LRRC37A2: variants seen among roughly 807,000 people sequenced by gnomAD.
LRRC37A2 encodes leucine-rich repeat-containing protein 37A2.
In LRRC37A2, 9 loss-of-function variants were observed where a neutral mutation model predicts 68.8. That is an observed-to-expected ratio of 0.13 (90% CI 0.08 to 0.23). The LOEUF (loss-of-function observed/expected upper bound fraction) is 0.23, where lower values mean the gene tolerates loss of function less well. Ranked by LOEUF, LRRC37A2 falls within the 10% of genes least tolerant of loss-of-function variation. The probability of loss-of-function intolerance (pLI) is 1.00; values close to 1 mark genes in which losing one functional copy is unlikely to be tolerated. For missense variants in LRRC37A2, 168 were observed against 950.4 expected, an observed-to-expected ratio of 0.18 and a Z score of 10.82; for synonymous variants, 63 against 367.6, an observed-to-expected ratio of 0.17 and a Z score of 9.48.
the LRRC37A2 span, among the ~76,000 whole-genome samples, chr17:46,839,538 G>GT: frequency 5.5e-3 from 841 of 152,084 alleles, 12 homozygotes; most frequent in African/African-American, 0.019. Context: ...ATATATATAT[G>GT]TTTTTTTATT....
the LRRC37A2 span, among the ~76,000 whole-genome samples, chr17:46,749,604 C>CT: frequency 6.6e-6 from 1 of 152,098 alleles, no homozygotes; most frequent in Non-Finnish European, 1.5e-5. Flanking sequence ...TGGTTGGTAC[C>CT]TTTTTTCAGG....
At chr17:47,020,609 C>A in the LRRC37A2 span, among the ~76,000 whole-genome samples, 1 of 149,894 alleles carries the variant, frequency 6.7e-6, no homozygotes, top group East Asian at 2.0e-4. Context: ...GAAACCCCAT[C>A]TCTACTAAAA....
At chr17:46,752,139 A>G in the LRRC37A2 span, among the ~76,000 whole-genome samples, 1 of 152,204 alleles carries the variant, frequency 6.6e-6, no homozygotes, top group Non-Finnish European at 1.5e-5. Context: ...GCTCCTAGAA[A>G]TTTCATGCAA....
the LRRC37A2 span, among the ~76,000 whole-genome samples, chr17:46,707,955 T>C: frequency 6.7e-6 from 1 of 149,704 alleles, no homozygotes; most frequent in Non-Finnish European, 1.5e-5. Context: ...ATCATTTGGA[T>C]CCGGGAGGTG....
chr17:47,042,167 T>C, the LRRC37A2 span: 29 of 145,130 alleles, frequency 2.0e-4, no homozygotes, highest in African/African-American at 6.4e-4. Context: ...TATTTAATCA[T>C]GGGAAATGAT....
At chr17:46,729,066 C>T in the LRRC37A2 span, 24 of 576,252 alleles carry the variant, frequency 4.2e-5, no homozygotes, top group Non-Finnish European at 6.5e-5. Flanking sequence ...TTTGAAAGGT[C>T]GTCCAGTCTT....
chr17:46,820,814 C>A, the LRRC37A2 span, among the ~76,000 whole-genome samples: 6 of 152,260 alleles, frequency 3.9e-5, no homozygotes, highest in South Asian at 1.2e-3. Context: ...GGAGTCCTGC[C>A]CAAGGGCTCG....
At chr17:46,935,381 A>G in the LRRC37A2 span, 1 of 1,441,584 alleles carries the variant, frequency 6.9e-7, no homozygotes, top group Non-Finnish European at 9.1e-7. Context: ...GAAACAAACC[A>G]TGAAGTGGCC....
chr17:46,732,169 T>C, the LRRC37A2 span, among the ~76,000 whole-genome samples: 1 of 152,216 alleles, frequency 6.6e-6, no homozygotes, highest in African/African-American at 2.4e-5. Context: ...AAGGAGGAAC[T>C]ATACTTATAT....
chr17:46,896,889 C>A, the LRRC37A2 span, among the ~76,000 whole-genome samples: 1 of 152,092 alleles, frequency 6.6e-6, no homozygotes, highest in Non-Finnish European at 1.5e-5. Context: ...GGGCTGGACA[C>A]CCCCCACCAG....
At chr17:46,933,892 G>T in the LRRC37A2 span, among the ~76,000 whole-genome samples, 2 of 151,534 alleles carry the variant, frequency 1.3e-5, no homozygotes, top group Non-Finnish European at 2.9e-5. Context: ...CTTAAGCCTG[G>T]TAGGTCAAGG....
chr17:46,851,817 C>T, the LRRC37A2 span: 2 of 583,778 alleles, frequency 3.4e-6, no homozygotes, highest in Non-Finnish European at 5.0e-6. The surrounding 1 kb of genome is among the most constrained non-coding windows in gnomAD (Gnocchi z 4.3). Flanking sequence ...CTTGGCCCCG[C>T]CGAGGTCTCG....
At chr17:46,999,019 T>G in the LRRC37A2 span, among the ~76,000 whole-genome samples, 24 of 152,354 alleles carry the variant, frequency 1.6e-4, no homozygotes, top group African/African-American at 5.8e-4. Flanking sequence ...CCATCATGGA[T>G]GCTTAACATT....
At chr17:46,631,034 T>A in the LRRC37A2 span, among the ~76,000 whole-genome samples, 1 of 122,484 alleles carries the variant, frequency 8.2e-6, no homozygotes, top group African/African-American at 3.7e-5. Flanking sequence ...CTCCCTGTCT[T>A]CCTCTCTGGG....
the LRRC37A2 span, among the ~76,000 whole-genome samples, chr17:46,950,503 A>G: frequency 6.6e-6 from 1 of 152,224 alleles, no homozygotes; most frequent in African/African-American, 2.4e-5. Flanking sequence ...GAAAGGCCCA[A>G]TTAAAATAGC....
the LRRC37A2 span, among the ~76,000 whole-genome samples, chr17:47,014,146 C>T: frequency 2.6e-5 from 4 of 151,810 alleles, no homozygotes; most frequent in Admixed American, 1.3e-4. Context: ...AATCCCAGCA[C>T]TTTGGGAGGC....
chr17:47,029,945 C>A, the LRRC37A2 span, among the ~76,000 whole-genome samples: 17,378 of 151,564 alleles, frequency 0.11, 1,103 homozygotes, highest in South Asian at 0.22. Context: ...CAACTGTAAT[C>A]CTAAGTACTC....
At chr17:46,942,739 GC>G in the LRRC37A2 span, among the ~76,000 whole-genome samples, 1 of 152,226 alleles carries the variant, frequency 6.6e-6, no homozygotes, top group Non-Finnish European at 1.5e-5. Flanking sequence ...TGGCTAGTGG[GC>G]CCTGAACACA....
At chr17:46,487,549 GTC>G in the LRRC37A2 span, among the ~76,000 whole-genome samples, 23 of 60,950 alleles carry the variant, frequency 3.8e-4, no homozygotes, top group Admixed American at 3.4e-4. Context: ...ATCCTCCTCT[GTC>G]TCTCTCTCTC....
Sources: gnomAD v4.1 joint callset for allele counts (sites outside exome capture counted in the v4.1 genomes callset) on GRCh38, gnomAD v4.1.1 for gene constraint, Gnocchi (gnomAD v3.1) non-coding constraint, MANE v1.5 for transcripts, NCBI Gene and HGNC (gene_info 2026-07-23, HGNC 2026-07-21) for gene names.